Variants in GPC5 observed in about 807,000 individuals in gnomAD.
GPC5 encodes glypican-5.
In GPC5, 47 loss-of-function variants were observed where a neutral mutation model predicts 53.9. The ratio of observed to expected loss-of-function variants is 0.87; its 90% confidence interval spans 0.69 to 1.11. The LOEUF is 1.11. GPC5 is among the 50% of genes most tolerant of loss of function. The pLI is 0.00. For missense variants in GPC5, 748 were observed against 713.1 expected (o/e 1.05, Z -0.56); for synonymous variants, 286 against 263.3 (o/e 1.09, Z -0.84).
intron 6 of GPC5, among the ~76,000 whole-genome samples, chr13:92,104,288 T>A (rs2041490396): frequency 6.6e-6 from 1 of 152,162 alleles, no homozygotes; most frequent in South Asian, 2.1e-4. Context: ...ACAGTATAGA[T>A]CAAATTGTCA....
intron 7 of GPC5, among the ~76,000 whole-genome samples, chr13:92,305,729 A>G (rs1451191768): frequency 2.6e-5 from 4 of 152,196 alleles, no homozygotes; most frequent in Non-Finnish European, 5.9e-5. Context: ...AGACCCTGTG[A>G]CATTTTAATT....
At chr13:91,998,992 A>C (rs2040530180) in intron 6 of GPC5, among the ~76,000 whole-genome samples, 1 of 152,200 alleles carries the variant, frequency 6.6e-6, no homozygotes, top group Non-Finnish European at 1.5e-5. Context: ...GCAGAACTTC[A>C]ATAAAAAATA....
intron 2 of GPC5, among the ~76,000 whole-genome samples, chr13:91,690,545 A>G (rs754987232): frequency 5.3e-5 from 8 of 152,214 alleles, no homozygotes; most frequent in Non-Finnish European, 1.0e-4. Flanking sequence ...TAAATATTAA[A>G]TATATTCTCT....
chr13:92,369,294 A>G (rs1199758046), intron 7 of GPC5, among the ~76,000 whole-genome samples: 1 of 152,070 alleles, frequency 6.6e-6, no homozygotes, highest in Non-Finnish European at 1.5e-5. Flanking sequence ...AACAATTCTC[A>G]TGCATCTGCC....
At chr13:92,246,053 A>G (rs1594033397) in intron 7 of GPC5, among the ~76,000 whole-genome samples, 1 of 129,266 alleles carries the variant, frequency 7.7e-6, no homozygotes. Context: ...CGTATCACCC[A>G]TGATCACCTC....
At chr13:91,716,623 A>G (rs1566632611) in intron 3 of GPC5, among the ~76,000 whole-genome samples, 1 of 152,138 alleles carries the variant, frequency 6.6e-6, no homozygotes, top group Non-Finnish European at 1.5e-5. Context: ...CATAATAAGC[A>G]TTTGTCTATC....
chr13:92,841,985 T>A (rs888882034), intron 7 of GPC5, among the ~76,000 whole-genome samples: 1 of 152,144 alleles, frequency 6.6e-6, no homozygotes, highest in African/African-American at 2.4e-5. Context: ...TGATAGGTTA[T>A]TAGCTTTCTC....
intron 2 of GPC5, among the ~76,000 whole-genome samples, chr13:91,629,161 G>C (rs920900886): frequency 1.2e-4 from 19 of 152,050 alleles, no homozygotes; most frequent in Non-Finnish European, 1.9e-4. Flanking sequence ...CACTGAAGCA[G>C]GTCCTAGCTG....
intron 6 of GPC5, among the ~76,000 whole-genome samples, chr13:92,130,557 G>T (rs144195306): frequency 1.5e-3 from 223 of 152,044 alleles, no homozygotes; most frequent in African/African-American, 5.0e-3. Context: ...ACAAAAGAAA[G>T]AACACTTAAT....
At chr13:91,852,233 T>C (rs1322493291) in intron 5 of GPC5, among the ~76,000 whole-genome samples, 3 of 151,658 alleles carry the variant, frequency 2.0e-5, no homozygotes, top group Admixed American at 6.6e-5. Context: ...AAAAAATTAT[T>C]TTTTAATTAT....
intron 6 of GPC5, among the ~76,000 whole-genome samples, chr13:92,072,036 AT>A (rs2041215711): frequency 6.8e-6 from 1 of 146,382 alleles, no homozygotes; most frequent in Admixed American, 6.8e-5. Context: ...TGTATATAAA[AT>A]AATACATTTT....
chr13:92,096,118 G>A (rs1231212314), intron 6 of GPC5, among the ~76,000 whole-genome samples: 1 of 152,086 alleles, frequency 6.6e-6, no homozygotes, highest in Non-Finnish European at 1.5e-5. Flanking sequence ...GGTAATGACC[G>A]TCTTTGGAAA....
rs561553032 is a variant in GPC5, at chr13:91,709,308, G to T, written c.1020+15427G>T. On this transcript the variant is annotated intron_variant, in intron 3 of 7. Transcript: ENST00000377067. ...CTTCCAATGGTTTTTATTTACCTTA[G>T]AATGAAATTTAAAAGCCTTTATACT... Among the ~76,000 whole-genome samples, 13 of 152,240 alleles carry T rather than the reference G, an allele frequency of 8.5e-5. No individual in the cohort carries two copies. In the East Asian group the frequency reaches 2.5e-3, roughly 29 times the overall value.
At position 91,563,506 on chromosome 13, in the gene GPC5, G is replaced by T. The variant is rs1471139065; in HGVS notation, c.325+114584G>T. On this transcript the variant is annotated intron_variant, in intron 2 of 7. Coordinates refer to ENST00000377067, the MANE Select transcript of GPC5 (RefSeq NM_004466.6). ...TTTCAGGGTTGATAGTTATAATCAAGATTGCATATTTAATTAAATGAAACT... is the reference window on the plus strand; with the variant it reads ...TTTCAGGGTTGATAGTTATAATCAATATTGCATATTTAATTAAATGAAACT... Among the ~76,000 whole-genome samples, 3 of 152,080 alleles carry T rather than the reference G, an allele frequency of 2.0e-5. No homozygotes were observed. The East Asian group carries it at 5.8e-4, about 29-fold the overall frequency.
chr13:91,684,222 C>T (rs936393840), intron 2 of GPC5, among the ~76,000 whole-genome samples: 11 of 152,150 alleles, frequency 7.2e-5, no homozygotes, highest in African/African-American at 2.2e-4. Flanking sequence ...TTTTCCCCTT[C>T]GGTTATTTCA....
chr13:92,377,804 G>A (rs914969742), intron 7 of GPC5, among the ~76,000 whole-genome samples: 1 of 152,192 alleles, frequency 6.6e-6, no homozygotes, highest in African/African-American at 2.4e-5. Flanking sequence ...ACTTAGGTTT[G>A]AACAATTCAT....
chr13:92,751,820 C>A (rs1889412027), intron 7 of GPC5, among the ~76,000 whole-genome samples: 2 of 152,014 alleles, frequency 1.3e-5, no homozygotes, highest in Non-Finnish European at 2.9e-5. Flanking sequence ...GTTTGCAGCC[C>A]CATAGTTAAG....
intron 2 of GPC5, among the ~76,000 whole-genome samples, chr13:91,476,970 C>G (rs1226327992): frequency 1.3e-5 from 2 of 152,042 alleles, no homozygotes; most frequent in Non-Finnish European, 2.9e-5. Context: ...ATGTTGGACC[C>G]CCACACAGAA....
At chr13:91,931,007 G>T (rs77609243) in intron 6 of GPC5, among the ~76,000 whole-genome samples, 3,713 of 151,938 alleles carry the variant, frequency 0.024, 148 homozygotes, top group African/African-American at 0.085. Flanking sequence ...AGCATAAAAT[G>T]GTGCAATTTC....
Sources: allele counts gnomAD v4.1 joint callset (sites outside exome capture counted in the v4.1 genomes callset), GRCh38; gene constraint gnomAD v4.1.1; transcripts MANE v1.5; gene names NCBI Gene and HGNC (gene_info 2026-07-23, HGNC 2026-07-21).